GABRB3: variants seen among roughly 807,000 people sequenced by gnomAD.
The protein encoded by GABRB3 is gamma-aminobutyric acid type A receptor subunit beta3, also known as gamma-aminobutyric acid receptor subunit beta-3.
Under a neutral mutation model 52.1 loss-of-function variants are expected in GABRB3, and 14 were observed. The ratio of observed to expected loss-of-function variants is 0.27; its 90% CI spans 0.18 to 0.42. GABRB3 has a LOEUF of 0.42. Ranked by LOEUF, GABRB3 falls within the 10% of genes least tolerant of loss-of-function variation. The probability of loss-of-function intolerance (pLI) is 1.00; values close to 1 mark genes in which losing one functional copy is unlikely to be tolerated. For synonymous variants in GABRB3, 260 were observed against 232.3 expected, an observed-to-expected ratio of 1.12 and a Z score of -1.08; for missense variants, 307 against 609.1, an observed-to-expected ratio of 0.50 and a Z score of 5.22.
At chr15:26,622,752 A>AAT (rs1211710497) in intron 3 of GABRB3, among the ~76,000 whole-genome samples, 1 of 152,136 alleles carries the variant, frequency 6.6e-6, no homozygotes, top group Non-Finnish European at 1.5e-5. Context: ...ATAGTGTTGG[A>AAT]ATATAGAGGC....
chr15:26,576,588 G>A (rs945047890), intron 6 of GABRB3, among the ~76,000 whole-genome samples: 5 of 152,142 alleles, frequency 3.3e-5, no homozygotes, highest in African/African-American at 9.7e-5. Context: ...AATCTGGAGA[G>A]ATTTTAATGG....
chr15:26,668,154 A>G (rs766836695), intron 3 of GABRB3, among the ~76,000 whole-genome samples: 9 of 152,154 alleles, frequency 5.9e-5, no homozygotes, highest in Non-Finnish European at 1.2e-4. Flanking sequence ...TCCCTATAGA[A>G]AGGGAACAGT....
chr15:26,554,950 C>T (rs938114607), intron 8 of GABRB3, among the ~76,000 whole-genome samples: 9 of 152,084 alleles, frequency 5.9e-5, no homozygotes, highest in Non-Finnish European at 1.3e-4. Flanking sequence ...GAGGCTGAGG[C>T]GGGCGGATCA....
chr15:26,730,467 C>T (rs1027974565), intron 3 of GABRB3, among the ~76,000 whole-genome samples: 2 of 151,350 alleles, frequency 1.3e-5, no homozygotes, highest in Non-Finnish European at 2.9e-5. Context: ...AACAGTTTCC[C>T]GGTGCACAGG....
intron 3 of GABRB3, among the ~76,000 whole-genome samples, chr15:26,639,940 A>T (rs773748215): frequency 6.6e-6 from 1 of 152,196 alleles, no homozygotes; most frequent in Admixed American, 6.5e-5. Context: ...TGCCAACAAG[A>T]GTTGTGAATG....
intron 8 of GABRB3, among the ~76,000 whole-genome samples, chr15:26,548,617 T>G (rs1479267992): frequency 6.6e-6 from 1 of 152,186 alleles, no homozygotes; most frequent in Non-Finnish European, 1.5e-5. Context: ...AGATCATTCC[T>G]GATGACTTCC....
chr15:26,764,620 A>G (rs1432330054), intron 3 of GABRB3, among the ~76,000 whole-genome samples: 2 of 152,158 alleles, frequency 1.3e-5, no homozygotes, highest in African/African-American at 4.8e-5. Context: ...GACTCACTCT[A>G]TCTTGATTGA....
At chr15:26,581,331 A>G (rs1173315865) in intron 5 of GABRB3, 2 of 152,330 alleles carry the variant, frequency 1.3e-5, no homozygotes, top group African/African-American at 4.8e-5. Flanking sequence ...TATTCACTCA[A>G]TATTTAATGT....
chr15:26,755,661 T>C (rs768335509), intron 3 of GABRB3, among the ~76,000 whole-genome samples: 7 of 152,238 alleles, frequency 4.6e-5, no homozygotes, highest in South Asian at 2.1e-4. Context: ...TCTAGAAGTA[T>C]AGATATAGAA....
chr15:26,616,659 GT>G (rs1464472362), intron 4 of GABRB3, among the ~76,000 whole-genome samples: 2 of 150,510 alleles, frequency 1.3e-5, no homozygotes, highest in African/African-American at 4.9e-5. Flanking sequence ...TTAAGAGGCT[GT>G]TTGAGAGGCA....
chr15:26,759,130 C>A (rs1027857199), intron 3 of GABRB3, among the ~76,000 whole-genome samples: 1 of 152,182 alleles, frequency 6.6e-6, no homozygotes, highest in Non-Finnish European at 1.5e-5. Context: ...GGTCTCTCTG[C>A]ACATCTCTGG....
chr15:26,550,799 G>A (rs1456916033), intron 8 of GABRB3, among the ~76,000 whole-genome samples: 1 of 152,186 alleles, frequency 6.6e-6, no homozygotes, highest in Non-Finnish European at 1.5e-5. Flanking sequence ...AAGTCTCACT[G>A]TACCTGCACG....
chr15:26,684,016 C>T (rs1777765841), intron 3 of GABRB3, among the ~76,000 whole-genome samples: 1 of 123,882 alleles, frequency 8.1e-6, no homozygotes, highest in African/African-American at 3.3e-5. Context: ...ATGGGAAAAA[C>T]CACAGAAGAA....
chr15:26,565,141 C>T (rs1890118516), intron 7 of GABRB3, among the ~76,000 whole-genome samples: 5 of 151,016 alleles, frequency 3.3e-5, no homozygotes, highest in Admixed American at 1.3e-4. Flanking sequence ...TGATAATTTT[C>T]AGCCTTTATT....
At chr15:26,554,189 T>TATAAAG (rs1346521870) in intron 8 of GABRB3, among the ~76,000 whole-genome samples, 1 of 27,362 alleles carries the variant, frequency 3.7e-5, no homozygotes. Context: ...TATATATATA[T>TATAAAG]ACTATATATA....
chr15:26,749,550 C>T (rs979627070), intron 3 of GABRB3, among the ~76,000 whole-genome samples: 1 of 152,102 alleles, frequency 6.6e-6, no homozygotes, highest in Non-Finnish European at 1.5e-5. Flanking sequence ...CTGATGGTGT[C>T]GTTTGGTTCT....
intron 3 of GABRB3, among the ~76,000 whole-genome samples, chr15:26,701,348 T>C (rs547660208): frequency 1.3e-5 from 2 of 152,232 alleles, no homozygotes; most frequent in Admixed American, 6.5e-5. Flanking sequence ...GAAAATCCAA[T>C]GGGATCTACA....
At chr15:26,708,695 T>C (rs1549483) in intron 3 of GABRB3, among the ~76,000 whole-genome samples, 46,875 of 152,176 alleles carry the variant, frequency 0.31, 7,707 homozygotes, top group Middle Eastern at 0.4. Flanking sequence ...AAGTGGAAGA[T>C]AGCACGCCAC....
chr15:26,679,731 T>C (rs1418546402), intron 3 of GABRB3, among the ~76,000 whole-genome samples: 2 of 152,016 alleles, frequency 1.3e-5, no homozygotes, highest in Admixed American at 6.5e-5. Context: ...GGAATCAGCC[T>C]GTCCCAGTGA....
Sources: allele counts gnomAD v4.1 joint callset (sites outside exome capture counted in the v4.1 genomes callset), GRCh38; gene constraint gnomAD v4.1.1; transcripts MANE v1.5; gene names NCBI Gene and HGNC (gene_info 2026-07-23, HGNC 2026-07-21).